VWA3B: variants seen among roughly 807,000 people sequenced by gnomAD.
The protein encoded by VWA3B is von Willebrand factor A domain containing 3B, also known as von Willebrand factor A domain-containing protein 3B.
A neutral mutation model predicts 158.3 loss-of-function variants in VWA3B; 138 were observed. The observed-to-expected ratio is 0.87, with a 90% confidence interval of 0.76 to 1.00. The LOEUF (loss-of-function observed/expected upper bound fraction) is 1.00. Among genes scored for constraint, VWA3B ranks in the 50% least tolerant of loss-of-function variants. VWA3B has a pLI of 0.00. For synonymous variants in VWA3B, 596 were observed against 587.3 expected, an observed-to-expected ratio of 1.01 and a Z score of -0.21; for missense variants, 1,555 against 1,565.1, an observed-to-expected ratio of 0.99 and a Z score of 0.11.
At chr2:98,280,922 G>C (rs1688841554) in intron 22 of VWA3B, among the ~76,000 whole-genome samples, 1 of 152,310 alleles carries the variant, frequency 6.6e-6, no homozygotes, top group South Asian at 2.1e-4. Flanking sequence ...AGACCTTGCT[G>C]CTTCTTCAGG....
intron 16 of VWA3B, among the ~76,000 whole-genome samples, chr2:98,233,472 A>G (rs1430393448): frequency 1.3e-5 from 2 of 152,216 alleles, no homozygotes; most frequent in African/African-American, 2.4e-5. Context: ...ATGTTGGTCA[A>G]GGTGGGCTGC....
At chr2:98,109,665 C>T (rs1352594742) in intron 2 of VWA3B, among the ~76,000 whole-genome samples, 6 of 151,882 alleles carry the variant, frequency 4.0e-5, no homozygotes, top group Non-Finnish European at 8.8e-5. Flanking sequence ...TAGAGAAGTT[C>T]TTTTATTCTT....
At chr2:98,142,327 G>T (rs147652173) in intron 7 of VWA3B, among the ~76,000 whole-genome samples, 42 of 152,222 alleles carry the variant, frequency 2.8e-4, no homozygotes, top group African/African-American at 8.9e-4. Flanking sequence ...AAAGAACTGA[G>T]GCCAGTTCCT....
At chr2:98,134,704 C>T (rs865837872) in intron 7 of VWA3B, among the ~76,000 whole-genome samples, 1 of 151,960 alleles carries the variant, frequency 6.6e-6, no homozygotes, top group African/African-American at 2.4e-5. Context: ...TTTAAATTAT[C>T]AAACAGATTT....
chr2:98,300,935 C>T (rs1202797953), intron 25 of VWA3B, among the ~76,000 whole-genome samples: 1 of 152,160 alleles, frequency 6.6e-6, no homozygotes, highest in Non-Finnish European at 1.5e-5. Context: ...AGTTGGGAGA[C>T]ATAAGGGCGG....
intron 21 of VWA3B, among the ~76,000 whole-genome samples, chr2:98,260,171 G>A (rs1253790085): frequency 1.3e-5 from 2 of 151,686 alleles, no homozygotes; most frequent in East Asian, 3.8e-4. Flanking sequence ...AATGTTACAT[G>A]TGCACTTAAT....
At chr2:98,169,169 G>C (rs921717834) in intron 8 of VWA3B, among the ~76,000 whole-genome samples, 1 of 152,148 alleles carries the variant, frequency 6.6e-6, no homozygotes, top group Non-Finnish European at 1.5e-5. Context: ...ATGAAAAGAC[G>C]GTGGGGCAGC....
chr2:98,175,547 T>C (rs1013940219), intron 8 of VWA3B, among the ~76,000 whole-genome samples: 1 of 151,784 alleles, frequency 6.6e-6, no homozygotes, highest in Non-Finnish European at 1.5e-5. Context: ...GAATAAAGAA[T>C]GAAAAAAACC....
intron 20 of VWA3B, 106 bp downstream of exon 20, chr2:98,250,542 C>A: frequency 1.1e-6 from 1 of 948,348 alleles, no homozygotes; most frequent in Non-Finnish European, 1.5e-6. Context: ...AATGAAGCAG[C>A]TATTTAAAAA....
chr2:98,258,733 G>T (rs1022611297), intron 21 of VWA3B, among the ~76,000 whole-genome samples: 1 of 151,810 alleles, frequency 6.6e-6, no homozygotes, highest in Admixed American at 6.6e-5. Flanking sequence ...GCTTTGTGGG[G>T]AATCTATGGG....
intron 22 of VWA3B, among the ~76,000 whole-genome samples, chr2:98,281,708 C>A (rs1392810555): frequency 6.6e-6 from 1 of 152,090 alleles, no homozygotes; most frequent in African/African-American, 2.4e-5. Context: ...AAGAGGGTCA[C>A]ACCATTTGGG....
intron 8 of VWA3B, among the ~76,000 whole-genome samples, chr2:98,167,771 C>T (rs1679213102): frequency 6.6e-6 from 1 of 152,114 alleles, no homozygotes; most frequent in Non-Finnish European, 1.5e-5. Flanking sequence ...TTAGAAGAAA[C>T]GGGGCTTGGA....
chr2:98,135,216 C>T (rs978155635), intron 7 of VWA3B, among the ~76,000 whole-genome samples: 1 of 151,854 alleles, frequency 6.6e-6, no homozygotes, highest in African/African-American at 2.4e-5. Context: ...CTCTGGATTC[C>T]TTGGCAACTT....
intron 15 of VWA3B, among the ~76,000 whole-genome samples, chr2:98,229,698 C>G (rs1685193592): frequency 6.6e-6 from 1 of 152,172 alleles, no homozygotes; most frequent in Non-Finnish European, 1.5e-5. Flanking sequence ...ATCCTCCCAT[C>G]AGCCCCATGT....
intron 7 of VWA3B, among the ~76,000 whole-genome samples, chr2:98,136,532 G>T: frequency 6.6e-6 from 1 of 151,878 alleles, no homozygotes; most frequent in East Asian, 1.9e-4. Flanking sequence ...CTTCCAAGAC[G>T]GTGCCTTGCT....
At chr2:98,298,147 G>A in intron 24 of VWA3B, 116 bp downstream of exon 24, 13 of 1,294,978 alleles carry the variant, frequency 1.0e-5, no homozygotes, top group Non-Finnish European at 1.3e-5. Flanking sequence ...CTCCTGCAGG[G>A]AGGGTGTGTT....
At chr2:98,227,186 C>A (rs996465815) in intron 14 of VWA3B, among the ~76,000 whole-genome samples, 14 of 152,210 alleles carry the variant, frequency 9.2e-5, no homozygotes, top group African/African-American at 3.1e-4. Context: ...TGATAAGCAA[C>A]TTTAGCAAAG....
chr2:98,160,444 A>G (rs1678480049), intron 7 of VWA3B, among the ~76,000 whole-genome samples: 1 of 152,122 alleles, frequency 6.6e-6, no homozygotes, highest in Admixed American at 6.6e-5. Context: ...TGGGGTAGTG[A>G]TAATCCTAGA....
At chr2:98,223,572 A>C (rs1016331447) in intron 14 of VWA3B, among the ~76,000 whole-genome samples, 5 of 152,210 alleles carry the variant, frequency 3.3e-5, no homozygotes, top group Non-Finnish European at 5.9e-5. Context: ...AATTAAAGAC[A>C]AAGAAAAAAA....
Sources: allele counts gnomAD v4.1 joint callset (sites outside exome capture counted in the v4.1 genomes callset), GRCh38; gene constraint gnomAD v4.1.1; transcripts MANE v1.5; gene names NCBI Gene and HGNC (gene_info 2026-07-23, HGNC 2026-07-21).